NHSL1: variants seen among roughly 807,000 people sequenced by gnomAD.
NHSL1 encodes NHS like 1, also known as NHS-like protein 1.
A neutral mutation model predicts 95.0 loss-of-function variants in NHSL1; 48 were observed. That is an observed-to-expected ratio of 0.51 (90% confidence interval 0.40 to 0.64). The LOEUF is 0.64. Among genes scored for constraint, NHSL1 ranks in the 30% least tolerant of loss-of-function variants. The probability of loss-of-function intolerance (pLI) is 0.00; values close to 1 mark genes in which losing one functional copy is unlikely to be tolerated. For synonymous variants in NHSL1, 783 were observed against 833.9 expected (o/e 0.94, Z 1.05); for missense variants, 1,971 against 2,077.7 (o/e 0.95, Z 1.00).
intron 1 of NHSL1, chr6:138,650,413 A>G: frequency 7.0e-7 from 1 of 1,427,216 alleles, no homozygotes; most frequent in Non-Finnish European, 9.8e-7. Context: ...AGGAAGGGGT[A>G]GGTCAGCATG....
At chr6:138,434,740 T>C (rs11962954) in intron 5 of NHSL1, among the ~76,000 whole-genome samples, 3,251 of 152,314 alleles carry the variant, frequency 0.021, 102 homozygotes, top group African/African-American at 0.069. Context: ...CACCCCTCTG[T>C]GTCAGTGGAC....
chr6:138,461,667 CT>C (rs1778006632), intron 3 of NHSL1, among the ~76,000 whole-genome samples: 1 of 152,022 alleles, frequency 6.6e-6, no homozygotes, highest in South Asian at 2.1e-4. Context: ...TTTGGAGGGG[CT>C]TCAAAAGAGA....
intron 1 of NHSL1, among the ~76,000 whole-genome samples, chr6:138,626,598 TA>T (rs200768258): frequency 6.8e-6 from 1 of 146,634 alleles, no homozygotes; most frequent in African/African-American, 2.7e-5. Context: ...GAAACTTTCT[TA>T]AAAAAAATTG....
At chr6:138,492,779 G>A (rs1436186094) in intron 2 of NHSL1, among the ~76,000 whole-genome samples, 1 of 152,142 alleles carries the variant, frequency 6.6e-6, no homozygotes, top group Non-Finnish European at 1.5e-5. Flanking sequence ...TAATGGCGAT[G>A]AAAAAGGAAT....
chr6:138,653,414 C>A (rs139118025), intron 1 of NHSL1, among the ~76,000 whole-genome samples: 1 of 152,024 alleles, frequency 6.6e-6, no homozygotes, highest in East Asian at 1.9e-4. Flanking sequence ...ACTAGCCAGG[C>A]GTAGTGGCAT....
chr6:138,642,520 T>C (rs549141165), intron 1 of NHSL1, among the ~76,000 whole-genome samples: 1 of 152,302 alleles, frequency 6.6e-6, no homozygotes, highest in East Asian at 1.9e-4. Flanking sequence ...CTCCACTAAA[T>C]GGTTTAGAAA....
Position 138,442,083 on chromosome 6 carries a change from C to T in NHSL1, c.564G>A (p.Arg188=). 1 of 1,550,804 alleles carries T rather than the reference C, an allele frequency of 6.4e-7. No individual in the cohort carries two copies. The highest frequency in any genetic ancestry group is 8.7e-7 in the Non-Finnish European group (1 of 1,146,674). ...GAGTGTCTGTGTAAATTAGAGACCGCCGAAGGCTGGCCTGGCGATCGAAAT... is the reference window on the plus strand; with the variant it reads ...GAGTGTCTGTGTAAATTAGAGACCGTCGAAGGCTGGCCTGGCGATCGAAAT... ...GENFDRQASL[R]RSLIYTDTLV... The change falls in exon 5 of 8, where the codon CGG becomes CGA. Residue 188 remains arginine (R), a synonymous_variant. Coordinates refer to ENST00000343505, the MANE Select transcript of NHSL1 (RefSeq NM_001144060.2).
chr6:138,474,049 G>A (rs771129332), intron 2 of NHSL1, among the ~76,000 whole-genome samples: 2 of 152,130 alleles, frequency 1.3e-5, no homozygotes, highest in East Asian at 1.9e-4. Context: ...AGAGGAATGC[G>A]TGGCACCACT....
At chr6:138,472,511 G>A (rs976523190) in intron 3 of NHSL1, among the ~76,000 whole-genome samples, 6 of 151,992 alleles carry the variant, frequency 3.9e-5, no homozygotes, top group African/African-American at 9.7e-5. Flanking sequence ...AATCAATAAG[G>A]CATTTATAAA....
intron 7 of NHSL1, among the ~76,000 whole-genome samples, chr6:138,428,163 C>G (rs561193002): frequency 1.3e-5 from 2 of 152,230 alleles, no homozygotes; most frequent in East Asian, 3.9e-4. Flanking sequence ...ATCGAGTACA[C>G]AGAACAACCA....
chr6:138,484,830 G>C (rs1345894765), intron 2 of NHSL1, among the ~76,000 whole-genome samples: 1 of 152,184 alleles, frequency 6.6e-6, no homozygotes, highest in African/African-American at 2.4e-5. Flanking sequence ...CTGTCTGTTA[G>C]CTTTGTTTTT....
intron 1 of NHSL1, among the ~76,000 whole-genome samples, chr6:138,628,721 C>T (rs1375714717): frequency 6.6e-6 from 1 of 152,198 alleles, no homozygotes; most frequent in African/African-American, 2.4e-5. Flanking sequence ...GCACTGCAAC[C>T]TGGGTGACAG....
intron 1 of NHSL1, among the ~76,000 whole-genome samples, chr6:138,644,520 A>G (rs1784993223): frequency 1.3e-5 from 2 of 152,208 alleles, no homozygotes; most frequent in African/African-American, 4.8e-5. Flanking sequence ...AAAAAAAGCA[A>G]TTTCTTCTGA....
chr6:138,692,922 AGGACGGACGGAC>A (rs1051069271), upstream of NHSL1, among the ~76,000 whole-genome samples: 1 of 150,138 alleles, frequency 6.7e-6, no homozygotes, highest in African/African-American at 2.4e-5. This position sits in a 1 kb window ranked among gnomAD's most constrained non-coding sequence, Gnocchi z 4.0. Flanking sequence ...GCGGGCAGGA[AGGACGGACGGAC>A]GGACGGGCGC....
rs1249361897 is a variant in NHSL1 at position 138,423,889 on chromosome 6, GCC to G, written c.*190_*191del. Reference sequence around the variant, plus strand: ...AGTTTAAGCTTCTACTTGTTCTTAAGCCACAGGGCAAGTGCCAGGTGAGTCCT... The same window carrying G: ...AGTTTAAGCTTCTACTTGTTCTTAAGACAGGGCAAGTGCCAGGTGAGTCCT... On this transcript the variant is annotated 3_prime_UTR_variant, in exon 8 of 8. Transcript: ENST00000343505. 1 of 403,152 alleles carries G rather than the reference GCC, an allele frequency of 2.5e-6. No homozygotes were observed. The highest frequency in any genetic ancestry group is 2.1e-5 in the African/African-American group (1 of 46,728). 25.0% of individuals were successfully genotyped at this position (403,152 alleles called of 1,614,324 possible). A position where few individuals can be genotyped will look rare whatever the true frequency, so the allele number is the denominator to read the frequency against.
intron 1 of NHSL1, among the ~76,000 whole-genome samples, chr6:138,517,066 G>A (rs1038685904): frequency 6.6e-6 from 1 of 152,188 alleles, no homozygotes; most frequent in African/African-American, 2.4e-5. Flanking sequence ...GAAAGGGATG[G>A]AAGTAAACAG....
chr6:138,517,898 C>A (rs531290451), intron 1 of NHSL1, among the ~76,000 whole-genome samples: 1 of 152,338 alleles, frequency 6.6e-6, no homozygotes, highest in South Asian at 2.1e-4. Context: ...CTCAGTTTGT[C>A]ATCCACATCC....
At position 138,692,089 on chromosome 6, in the gene NHSL1, C is replaced by A. The variant is rs1785682894; in HGVS notation, c.96+387G>T. On this transcript the variant is annotated intron_variant, in intron 1 of 3. Transcript: ENST00000491526. The surrounding 1 kb of genome is among the most constrained non-coding windows in gnomAD (Gnocchi z 4.0). ...ACTACTATATGCCCAAATTTATATT[C>A]TCCCCTGGCTTTTCCAACAGGCTAC... 10 of 452,358 alleles carry A rather than the reference C, an allele frequency of 2.2e-5. 1 individual carries two copies. The highest frequency in any genetic ancestry group is 3.3e-4 in the Middle Eastern group (1 of 3,064). 28.0% of individuals were successfully genotyped at this position (452,358 alleles called of 1,614,324 possible).
chr6:138,624,751 A>G (rs2114638316), intron 1 of NHSL1, among the ~76,000 whole-genome samples: 1 of 152,332 alleles, frequency 6.6e-6, no homozygotes, highest in Non-Finnish European at 1.5e-5. Context: ...ATGCAAGTGA[A>G]CTGATGAACT....
Sources: gnomAD v4.1 joint callset for allele counts (sites outside exome capture counted in the v4.1 genomes callset) on GRCh38, gnomAD v4.1.1 for gene constraint, Gnocchi (gnomAD v3.1) non-coding constraint, MANE v1.5 for transcripts, NCBI Gene and HGNC (gene_info 2026-07-23, HGNC 2026-07-21) for gene names.